The following WDPCP variants were observed in gnomAD, a reference collection of about 807,000 sequenced individuals.
WDPCP encodes the protein WD repeat-containing and planar cell polarity effector protein fritz homolog.
WDPCP carries 71 observed loss-of-function variants against 93.1 expected under a neutral mutation model. The ratio of observed to expected loss-of-function variants is 0.76; its 90% CI spans 0.63 to 0.93. The LOEUF (loss-of-function observed/expected upper bound fraction) is 0.93, where lower values mean the gene tolerates loss of function less well. WDPCP is among the 40% of genes least tolerant of loss of function. WDPCP has a pLI of 0.00. For synonymous variants in WDPCP, 315 were observed against 315.0 expected, an observed-to-expected ratio of 1.00 and a Z score of 0.00; for missense variants, 844 against 887.4, an observed-to-expected ratio of 0.95 and a Z score of 0.62.
At chr2:63,531,648 C>G (rs1309448654) in intron 1 of WDPCP, among the ~76,000 whole-genome samples, 1 of 152,116 alleles carries the variant, frequency 6.6e-6, no homozygotes, top group African/African-American at 2.4e-5. Flanking sequence ...GGAAAACTAG[C>G]AAGCAGAAAA....
chr2:63,531,840 CAAAGCTGG>C (rs1703877689), intron 1 of WDPCP, among the ~76,000 whole-genome samples: 1 of 152,136 alleles, frequency 6.6e-6, no homozygotes, highest in Non-Finnish European at 1.5e-5. Flanking sequence ...AGCAGCAGAA[CAAAGCTGG>C]ACAGAGAATG....
At chr2:63,398,481 G>A (rs1168198804) in intron 10 of WDPCP, among the ~76,000 whole-genome samples, 1 of 152,058 alleles carries the variant, frequency 6.6e-6, no homozygotes, top group Non-Finnish European at 1.5e-5. Context: ...TTATTCTAAT[G>A]ACAAGAATGA....
intron 2 of WDPCP, among the ~76,000 whole-genome samples, chr2:63,812,786 G>A (rs559992772): frequency 5.3e-5 from 8 of 151,966 alleles, no homozygotes; most frequent in African/African-American, 1.7e-4. Context: ...ATTTGCTCCC[G>A]CTACTGTACC....
At chr2:63,707,766 C>T (rs111527572) in intron 2 of WDPCP, among the ~76,000 whole-genome samples, 2,546 of 151,978 alleles carry the variant, frequency 0.017, 21 homozygotes, top group African/African-American at 0.018. Context: ...TTTTATCTAC[C>T]TTTGGTCTTT....
intron 13 of WDPCP, among the ~76,000 whole-genome samples, chr2:63,286,214 T>G (rs1379998953): frequency 1.3e-5 from 2 of 152,174 alleles, no homozygotes; most frequent in African/African-American, 4.8e-5. Flanking sequence ...TTGTCAGGCC[T>G]CTGAGTCCAA....
intron 1 of WDPCP, among the ~76,000 whole-genome samples, chr2:63,572,726 A>AAAAAAAAAAAAAAAAAAAT (rs56275317): frequency 6.9e-6 from 1 of 144,764 alleles, no homozygotes; most frequent in Non-Finnish European, 1.5e-5. Flanking sequence ...AAAAAAAAAA[A>AAAAAAAAAAAAAAAAAAAT]GTTGGACAGC....
intron 2 of WDPCP, chr2:63,751,799 C>T: frequency 1.5e-6 from 1 of 650,554 alleles, no homozygotes; most frequent in Non-Finnish European, 2.9e-6. Context: ...AGTGCTTCTG[C>T]TTCCATAGTT....
At chr2:63,523,956 C>G (rs1375314833) in intron 1 of WDPCP, among the ~76,000 whole-genome samples, 1 of 152,000 alleles carries the variant, frequency 6.6e-6, no homozygotes, top group South Asian at 2.1e-4. Context: ...CAGTAGCATT[C>G]CTACACACCA....
At chr2:63,249,378 T>G (rs1680538142) in intron 14 of WDPCP, among the ~76,000 whole-genome samples, 1 of 152,170 alleles carries the variant, frequency 6.6e-6, no homozygotes, top group South Asian at 2.1e-4. Context: ...GATGTCATCT[T>G]GAAGCAAAAC....
intron 13 of WDPCP, among the ~76,000 whole-genome samples, chr2:63,303,267 C>T (rs992044164): frequency 1.1e-4 from 16 of 152,108 alleles, no homozygotes; most frequent in Non-Finnish European, 1.8e-4. Flanking sequence ...TTGACTAAGC[C>T]ATCTAGGGGC....
chr2:63,440,026 C>G, intron 6 of WDPCP, 155 bp from the exon 7 acceptor site: 1 of 621,028 alleles, frequency 1.6e-6, no homozygotes. Flanking sequence ...AAAACAATTA[C>G]TGACATTGTG....
intron 6 of WDPCP, among the ~76,000 whole-genome samples, chr2:63,445,468 A>G (rs888433724): frequency 6.6e-6 from 1 of 152,210 alleles, no homozygotes; most frequent in Non-Finnish European, 1.5e-5. Flanking sequence ...AAATGATGCC[A>G]TATTTCAATC....
intron 10 of WDPCP, among the ~76,000 whole-genome samples, chr2:63,387,947 C>T (rs1399608461): frequency 6.6e-6 from 1 of 152,036 alleles, no homozygotes; most frequent in East Asian, 1.9e-4. Flanking sequence ...ACAGGAATTA[C>T]AAAACACTGC....
intron 2 of WDPCP, among the ~76,000 whole-genome samples, chr2:63,703,614 C>G (rs1244194928): frequency 4.0e-5 from 6 of 151,828 alleles, no homozygotes; most frequent in Non-Finnish European, 8.8e-5. Flanking sequence ...GACAGAGTCT[C>G]ACTCTGTTCT....
chr2:63,224,532 A>G (rs1416080654), intron 14 of WDPCP, among the ~76,000 whole-genome samples: 1 of 152,060 alleles, frequency 6.6e-6, no homozygotes, highest in Non-Finnish European at 1.5e-5. Context: ...TGGTACATTT[A>G]GATAATGGAG....
chr2:63,773,998 C>T (rs1670267768), intron 2 of WDPCP, among the ~76,000 whole-genome samples: 1 of 152,006 alleles, frequency 6.6e-6, no homozygotes, highest in South Asian at 2.1e-4. Flanking sequence ...TAGTAAGTCA[C>T]TGTATATTCT....
chr2:63,493,703 A>G (rs1176491742), intron 1 of WDPCP, among the ~76,000 whole-genome samples: 1 of 152,106 alleles, frequency 6.6e-6, no homozygotes, highest in Non-Finnish European at 1.5e-5. Context: ...TGCATTAGAA[A>G]AAAGGTCAAC....
intron 1 of WDPCP, among the ~76,000 whole-genome samples, chr2:63,824,161 CT>C (rs1456447977): frequency 6.6e-6 from 1 of 151,964 alleles, no homozygotes; most frequent in East Asian, 1.9e-4. Flanking sequence ...TTCATGAGAT[CT>C]GATGGTTTTA....
At chr2:63,179,468 T>G (rs1674074370) in intron 14 of WDPCP, among the ~76,000 whole-genome samples, 1 of 151,906 alleles carries the variant, frequency 6.6e-6, no homozygotes, top group African/African-American at 2.4e-5. Flanking sequence ...TGTTTAAAAG[T>G]GTGTGGCACC....
Sources: gnomAD v4.1 joint callset for allele counts (sites outside exome capture counted in the v4.1 genomes callset) on GRCh38, gnomAD v4.1.1 for gene constraint, MANE v1.5 for transcripts, NCBI Gene and HGNC (gene_info 2026-07-23, HGNC 2026-07-21) for gene names.